Variants in EIF4A2 observed in about 807,000 individuals in gnomAD.
EIF4A2 encodes the protein eukaryotic translation initiation factor 4A2, also known as eukaryotic initiation factor 4A-II.
Under a neutral mutation model 50.6 loss-of-function variants are expected in EIF4A2, and 9 were observed. The ratio of observed to expected loss-of-function variants is 0.18; its 90% CI spans 0.11 to 0.31. The LOEUF is 0.31. EIF4A2 is among the 10% of genes least tolerant of loss of function. The probability of loss-of-function intolerance (pLI) is 1.00; values close to 1 mark genes in which losing one functional copy is unlikely to be tolerated. For synonymous variants in EIF4A2, 215 were observed against 164.4 expected (o/e 1.31, Z -2.35); for missense variants, 182 against 501.8 (o/e 0.36, Z 6.09).
rs75854161 is a variant in EIF4A2 at position 186,787,769 on chromosome 3, G to A, written c.1000-34G>A. 1.6e-4 allele frequency: 259 copies of A among 1,613,516 alleles called. 2 individuals are homozygous for A. In the South Asian group the frequency reaches 2.7e-3, roughly 17 times the overall value. On this transcript the variant is annotated intron_variant, in intron 9 of 10. Transcript: ENST00000323963. ...TACATGACAGGTGTCAAGTTTTTTT[G>A]AATCAATTTTTAAAACATGCCATTG... is the stretch of plus-strand genomic sequence containing the variant.
chr3:186,783,881 G>T lies in EIF4A2; in HGVS notation c.29+242G>T, dbSNP rs905633704. 5.1e-6 allele frequency: 3 copies of T among 588,600 alleles called. No individual in the cohort carries two copies. In the African/African-American group the frequency reaches 5.6e-5, roughly 11 times the overall value. The allele number at this position is 588,600 out of a possible 1,614,324, so 36.5% of individuals were successfully genotyped here. ...CTCTCTAAGACATTACGAAACTTCG[G>T]CTGCTTTCCTTCCCAGTGTAGAGCA... is the stretch of plus-strand genomic sequence containing the variant. On this transcript the variant is annotated intron_variant, in intron 1 of 10. Transcript: ENST00000323963.
intron 10 of EIF4A2, chr3:186,788,604 A>C (rs1427452864): frequency 1.6e-5 from 5 of 312,496 alleles, no homozygotes; most frequent in African/African-American, 1.1e-4. Flanking sequence ...TTGAGTTACA[A>C]CGTGTGAAAC....
intron 1 of EIF4A2, chr3:186,784,141 A>G (rs1213896909): frequency 7.6e-6 from 4 of 524,730 alleles, no homozygotes; most frequent in Middle Eastern, 5.1e-4. Flanking sequence ...CGCGTCAATC[A>G]CCCGGCTTGC....
At chr3:186,784,919 AATTTG>A in intron 3 of EIF4A2, 38 bp from the exon 4 acceptor site, 1 of 1,613,994 alleles carries the variant, frequency 6.2e-7, no homozygotes, top group Non-Finnish European at 8.5e-7. Flanking sequence ...TAGAAGTGAC[AATTTG>A]ATGTGGGATC....
At chr3:186,787,641 G>GT (rs766174190) in intron 9 of EIF4A2, 57 bp downstream of exon 9, 2 of 1,609,082 alleles carry the variant, frequency 1.2e-6, no homozygotes, top group Non-Finnish European at 1.7e-6. Flanking sequence ...TGGGGGGCAG[G>GT]TTTTTAAGTA....
At chr3:186,787,689 C>A in intron 9 of EIF4A2, 105 bp downstream of exon 9, 1 of 1,579,484 alleles carries the variant, frequency 6.3e-7, no homozygotes, top group Non-Finnish European at 8.7e-7. Flanking sequence ...GAGTAAAAGA[C>A]CACACTCCAC....
intron 1 of EIF4A2, chr3:186,784,216 T>C (rs1579155102): frequency 3.2e-6 from 2 of 634,208 alleles, no homozygotes; most frequent in Admixed American, 3.1e-5. Context: ...TGAAACGGGA[T>C]CGCCATGCGC....
At chr3:186,788,291 G>T (rs1579167821) in intron 10 of EIF4A2, 3 of 1,291,656 alleles carry the variant, frequency 2.3e-6, no homozygotes, top group Non-Finnish European at 3.0e-6. Context: ...TGTAAAAAAA[G>T]ACTTTTTAAA....
chr3:186,788,254 T>C lies in EIF4A2; in HGVS notation c.1079+372T>C, dbSNP rs1237168397. ...TAGTTATAGTGGCTTTATCCCTAAA[T>C]AAATTGAATTGTACTTTGTTATATG... On this transcript the variant is annotated intron_variant, in intron 10 of 10. Coordinates refer to ENST00000323963, the MANE Select transcript of EIF4A2 (RefSeq NM_001967.4). The C allele has an allele frequency of 3.9e-6, 5 of 1,278,248 alleles. No individual in the cohort carries two copies. The Admixed American group carries it at 9.3e-5, about 24-fold the overall frequency. The allele number at this position is 1,278,248 out of a possible 1,614,324, so 79.2% of individuals were successfully genotyped here. A position where few individuals can be genotyped will look rare whatever the true frequency, so the allele number is the denominator to read the frequency against.
At chr3:186,787,393 A>T (rs766266914) in intron 8 of EIF4A2, 102 bp from the exon 9 acceptor site, 1 of 1,607,092 alleles carries the variant, frequency 6.2e-7, no homozygotes, top group Non-Finnish European at 8.5e-7. Flanking sequence ...CCTGTCTGCT[A>T]TTCTCCTGTA....
intron 1 of EIF4A2, 128 bp from the exon 2 acceptor site, chr3:186,784,304 C>G (rs1430190931): frequency 7.3e-7 from 1 of 1,377,460 alleles, no homozygotes; most frequent in Non-Finnish European, 1.0e-6. Flanking sequence ...GATATTCGCC[C>G]TGAGGCTGCT....
intron 10 of EIF4A2, chr3:186,788,124 G>C: frequency 4.5e-6 from 3 of 660,668 alleles, no homozygotes; most frequent in South Asian, 2.0e-5. Flanking sequence ...CCTTATGCTT[G>C]AGCTTTTAGT....
Position 186,786,459 on chromosome 3 carries a change from TTAA to T in EIF4A2, c.628-41_628-39del, listed in dbSNP as rs1381184621. On this transcript the variant is annotated intron_variant, in intron 6 of 10. Transcript: ENST00000323963. ...GGCTTCAGACATTTTCCTTTGGGTA[TTAA>T]TGTGTAAGTTGTGCTACAACATAAT... is the stretch of plus-strand genomic sequence containing the variant. 3.1e-6 allele frequency: 5 copies of T among 1,602,514 alleles called. No individual in the cohort carries two copies. The South Asian group carries it at 3.4e-5, about 11-fold the overall frequency.
At chr3:186,786,708 G>T (rs756129308) in intron 7 of EIF4A2, 63 bp downstream of exon 7, 2 of 1,606,438 alleles carry the variant, frequency 1.2e-6, no homozygotes, top group South Asian at 2.2e-5. Flanking sequence ...TAAAATTGCA[G>T]ACACTAGGAC....
chr3:186,787,971 T>C (rs747064286), intron 10 of EIF4A2, 89 bp downstream of exon 10: 4 of 1,361,534 alleles, frequency 2.9e-6, no homozygotes, highest in Non-Finnish European at 4.1e-6. Context: ...AATCAAGGAA[T>C]AGATTCAGTA....
Position 186,789,386 on chromosome 3 carries a change from T to TC in EIF4A2, c.*118dup. On this transcript the variant is annotated 3_prime_UTR_variant, in exon 11 of 11. Transcript: ENST00000323963. ...ATCTTGTCTCAATGCTCATAACGGA[T>TC]CAGAAATACAGATTTTGATAGCAAA... is the stretch of plus-strand genomic sequence containing the variant. The TC allele has an allele frequency of 7.1e-7, 1 of 1,399,216 alleles. No individual in the cohort carries two copies. The highest frequency in any genetic ancestry group is 9.5e-7 in the Non-Finnish European group (1 of 1,049,432). 86.7% of individuals were successfully genotyped at this position (1,399,216 alleles called of 1,614,324 possible).
At chr3:186,787,050 G>A in intron 7 of EIF4A2, 77 bp from the exon 8 acceptor site, 2 of 1,589,088 alleles carry the variant, frequency 1.3e-6, no homozygotes, top group South Asian at 2.3e-5. Flanking sequence ...TAGCACTGTG[G>A]CTGGCCCAGA....
Position 186,783,849 on chromosome 3 carries a change from G to T in EIF4A2, c.29+210G>T, listed in dbSNP as rs370390942. 5.0e-4 allele frequency: 356 copies of T among 710,118 alleles called. 2 individuals carry two copies. The highest frequency in any genetic ancestry group is 1.9e-3 in the South Asian group (99 of 52,420). 44.0% of individuals were successfully genotyped at this position (710,118 alleles called of 1,614,324 possible). On this transcript the variant is annotated intron_variant, in intron 1 of 10. Coordinates refer to ENST00000323963, the MANE Select transcript of EIF4A2 (RefSeq NM_001967.4). ...GGTGCGAAAGCAGTGGCTAAAGGGC[G>T]TTTTTCCTCTCTAAGACATTACGAA...
Position 186,786,189 on chromosome 3 carries a change from T to C in EIF4A2, c.543T>C (p.Val181=). The C allele has an allele frequency of 6.2e-7, 1 of 1,613,920 alleles. No homozygotes were observed. Among genetic ancestry groups the C allele is most frequent in the South Asian group, 1.1e-5 (1 of 91,044 alleles). ...CTCCAAAATGGATCAAAATGTTTGT[T>C]TTGGATGAAGCAGATGAAATGTTGA... is the stretch of plus-strand genomic sequence containing the variant. The part of the protein sequence containing the change: ...YLSPKWIKMF[V]LDEADEMLSR... Residue 181 remains valine (V), a synonymous_variant, in exon 6 of 11, where the codon GTT becomes GTC. Coordinates refer to ENST00000323963, the MANE Select transcript of EIF4A2 (RefSeq NM_001967.4).
Sources: allele counts gnomAD v4.1 joint callset, GRCh38; gene constraint gnomAD v4.1.1; transcripts MANE v1.5; gene names NCBI Gene and HGNC (gene_info 2026-07-23, HGNC 2026-07-21).